Variants in HECW2 observed in about 807,000 individuals in gnomAD.
HECW2 encodes E3 ubiquitin-protein ligase HECW2.
Under a neutral mutation model 175.2 loss-of-function variants are expected in HECW2, and 61 were observed. The observed-to-expected ratio is 0.35, with a 90% CI of 0.28 to 0.43. HECW2 has a LOEUF of 0.43. HECW2 is among the 20% of genes least tolerant of loss of function. The pLI is 1.00. For missense variants in HECW2, 1,524 were observed against 2,000.5 expected, an observed-to-expected ratio of 0.76 and a Z score of 4.54; for synonymous variants, 671 against 731.0, an observed-to-expected ratio of 0.92 and a Z score of 1.32.
intron 2 of HECW2, among the ~76,000 whole-genome samples, chr2:196,423,517 T>C (rs1175182819): frequency 1.3e-5 from 2 of 152,124 alleles, no homozygotes; most frequent in African/African-American, 4.8e-5. Context: ...GAAAGAAATA[T>C]ACCTAACAAC....
At chr2:196,244,148 T>C (rs916553969) in intron 19 of HECW2, among the ~76,000 whole-genome samples, 4 of 152,192 alleles carry the variant, frequency 2.6e-5, no homozygotes, top group African/African-American at 4.8e-5. Flanking sequence ...GGGAATACTA[T>C]GTTAGGTTCA....
At chr2:196,207,553 G>A (rs745743492) in intron 28 of HECW2, among the ~76,000 whole-genome samples, 3 of 152,106 alleles carry the variant, frequency 2.0e-5, no homozygotes, top group African/African-American at 4.8e-5. Context: ...CCAGGTGTTC[G>A]GTAAAGGTGA....
chr2:196,518,812 C>G (rs1272007388), intron 1 of HECW2, among the ~76,000 whole-genome samples: 1 of 152,094 alleles, frequency 6.6e-6, no homozygotes, highest in Non-Finnish European at 1.5e-5. Flanking sequence ...TGGGTCTCCT[C>G]TCTGTATCTC....
chr2:196,549,883 G>A (rs1689552435), intron 1 of HECW2, among the ~76,000 whole-genome samples: 1 of 152,108 alleles, frequency 6.6e-6, no homozygotes, highest in African/African-American at 2.4e-5. Flanking sequence ...AACTGAACTG[G>A]CCCATAGACC....
intron 1 of HECW2, among the ~76,000 whole-genome samples, chr2:196,503,158 C>G (rs1050025197): frequency 1.3e-5 from 2 of 152,156 alleles, no homozygotes; most frequent in Non-Finnish European, 2.9e-5. Context: ...TTAGACACCC[C>G]TTGGGACTGA....
intron 1 of HECW2, among the ~76,000 whole-genome samples, chr2:196,593,206 C>T (rs1488806943): frequency 2.0e-5 from 3 of 151,496 alleles, no homozygotes; most frequent in Non-Finnish European, 4.4e-5. Flanking sequence ...GGCCCCCGCG[C>T]GACCCGCCGA....
chr2:196,264,992 T>C (rs888355251), intron 17 of HECW2, among the ~76,000 whole-genome samples: 1 of 151,866 alleles, frequency 6.6e-6, no homozygotes, highest in Admixed American at 6.5e-5. Context: ...AAACGTTATC[T>C]TAATGATATT....
At chr2:196,226,756 T>A (rs1164897881) in intron 22 of HECW2, among the ~76,000 whole-genome samples, 1 of 152,204 alleles carries the variant, frequency 6.6e-6, no homozygotes, top group Non-Finnish European at 1.5e-5. Flanking sequence ...TCAAGAAAGT[T>A]CCTATCCCTA....
At chr2:196,291,307 C>T (rs1575367098) in intron 14 of HECW2, 1 of 152,198 alleles carries the variant, frequency 6.6e-6, no homozygotes, top group African/African-American at 2.4e-5. Flanking sequence ...ATAACATTCT[C>T]CATTCCTGTC....
At chr2:196,537,391 G>A (rs1412802778) in intron 1 of HECW2, among the ~76,000 whole-genome samples, 3 of 152,052 alleles carry the variant, frequency 2.0e-5, no homozygotes, top group Admixed American at 2.0e-4. Flanking sequence ...AGAGACCGGC[G>A]AGCTACATTC....
At chr2:196,292,776 G>A in intron 13 of HECW2, 26 bp from the exon 14 acceptor site, 2 of 1,585,094 alleles carry the variant, frequency 1.3e-6, no homozygotes, top group Non-Finnish European at 1.7e-6. Flanking sequence ...GAGAACCAAT[G>A]TTAACCCACT....
Position 196,209,760 on chromosome 2 carries a change from TC to T in HECW2, c.4607+6104del, listed in dbSNP as rs1559435966. 2.5e-3 allele frequency among the ~76,000 whole-genome samples: 354 copies of T among 140,430 alleles called. 5 individuals are homozygous for T. Among genetic ancestry groups the T allele is most frequent in the African/African-American group, 9.2e-3 (340 of 36,932 alleles). 92.1% of individuals were successfully genotyped at this position (140,430 alleles called of 152,430 possible). On this transcript the variant is annotated intron_variant, in intron 28 of 28. Transcript: ENST00000644978. Reference sequence around the variant, plus strand: ...CTTGTTCTGATGGTTTTTCTTTCTTTCTTTCTTTTTTTTTTTTTTTTGAGAC... The same window carrying T: ...CTTGTTCTGATGGTTTTTCTTTCTTTTTTCTTTTTTTTTTTTTTTTGAGAC...
At chr2:196,203,849 C>G (rs1393530497) in intron 28 of HECW2, among the ~76,000 whole-genome samples, 1 of 152,170 alleles carries the variant, frequency 6.6e-6, no homozygotes, top group East Asian at 1.9e-4. Context: ...AAATCTGTAT[C>G]CATTAAATAG....
intron 1 of HECW2, among the ~76,000 whole-genome samples, chr2:196,450,880 G>C (rs1210982921): frequency 6.6e-6 from 1 of 152,062 alleles, no homozygotes; most frequent in Non-Finnish European, 1.5e-5. Context: ...TCTATATGTA[G>C]TCCCAAGTTA....
chr2:196,300,619 C>A (rs185422559), intron 13 of HECW2, among the ~76,000 whole-genome samples: 76 of 152,298 alleles, frequency 5.0e-4, no homozygotes, highest in Non-Finnish European at 9.0e-4. Flanking sequence ...TTCAGTGTCT[C>A]TTTTACTATT....
intron 1 of HECW2, among the ~76,000 whole-genome samples, chr2:196,507,376 T>G (rs556207579): frequency 6.6e-6 from 1 of 152,354 alleles, no homozygotes; most frequent in African/African-American, 2.4e-5. Context: ...AGAACTCATA[T>G]GTTTAGAGCA....
chr2:196,476,978 A>T (rs1156943828), intron 1 of HECW2, among the ~76,000 whole-genome samples: 1 of 149,492 alleles, frequency 6.7e-6, no homozygotes, highest in African/African-American at 2.5e-5. Flanking sequence ...AAAAAAAAGG[A>T]AAACAACTTT....
At chr2:196,296,366 A>G (rs1690815699) in intron 13 of HECW2, among the ~76,000 whole-genome samples, 1 of 152,236 alleles carries the variant, frequency 6.6e-6, no homozygotes, top group Non-Finnish European at 1.5e-5. Flanking sequence ...ATTCAAATCC[A>G]GTGGGACAAA....
intron 1 of HECW2, among the ~76,000 whole-genome samples, chr2:196,522,839 T>C (rs539003932): frequency 6.6e-6 from 1 of 152,282 alleles, no homozygotes; most frequent in African/African-American, 2.4e-5. Context: ...TTGATCTATA[T>C]CTCAGTTTTG....
Sources: allele counts gnomAD v4.1 joint callset (sites outside exome capture counted in the v4.1 genomes callset), GRCh38; gene constraint gnomAD v4.1.1; transcripts MANE v1.5; gene names NCBI Gene and HGNC (gene_info 2026-07-23, HGNC 2026-07-21).